CARD14: variants seen among roughly 807,000 people sequenced by gnomAD.
The protein encoded by CARD14 is caspase recruitment domain family member 14, also known as caspase recruitment domain-containing protein 14.
Under a neutral mutation model 111.5 loss-of-function variants are expected in CARD14, and 107 were observed. The ratio of observed to expected loss-of-function variants is 0.96; its 90% CI spans 0.82 to 1.13. The LOEUF is 1.13. CARD14 is among the 50% of genes most tolerant of loss of function. The pLI, the probability that CARD14 is intolerant of heterozygous loss-of-function variation, is 0.00. For synonymous variants in CARD14, 617 were observed against 579.6 expected, an observed-to-expected ratio of 1.06 and a Z score of -0.93; for missense variants, 1,322 against 1,362.3, an observed-to-expected ratio of 0.97 and a Z score of 0.47.
In CARD14 at chr17:80,175,952, GTTTTTTTTTTTTTTTTTTTTTTTTT is replaced by G. The variant is rs531556673; in HGVS notation, c.-366-2540_-366-2516del. 7.5e-4 allele frequency among the ~76,000 whole-genome samples: 40 copies of G among 53,550 alleles called. 2 individuals carry two copies. The South Asian group carries it at 0.021, about 28-fold the overall frequency. The allele number at this position is 53,550 out of a possible 152,430, so 35.1% of individuals were successfully genotyped here. On this transcript the variant is annotated intron_variant, in intron 2 of 23. Transcript: ENST00000648509. ...TGGGATTGCCAGCTGCTCTCGGATCGTTTTTTTTTTTTTTTTTTTTTTTTTTTTTTTTTTTTTTTTAAAAACGGGA... is the reference window on the plus strand; with the variant it reads ...TGGGATTGCCAGCTGCTCTCGGATCGTTTTTTTTTTTTTTTAAAAACGGGA...
rs551504092 is a variant in CARD14 at position 80,183,045 on chromosome 17, G to T, written c.349+255G>T. Reference sequence around the variant, plus strand: ...CCCAGTGCCAAAAGGAGACCCCTGAGCGGTAGGGTGGGGAGAATCTGCTTG... The same window carrying T: ...CCCAGTGCCAAAAGGAGACCCCTGATCGGTAGGGTGGGGAGAATCTGCTTG... On this transcript the variant is annotated intron_variant, in intron 6 of 23. Transcript: ENST00000648509. Among the ~76,000 whole-genome samples the T allele has an allele frequency of 2.7e-4, 41 of 152,330 alleles. No individual in the cohort carries two copies. The South Asian group carries it at 4.3e-3, about 16-fold the overall frequency.
intron 20 of CARD14, 118 bp downstream of exon 20, chr17:80,204,459 G>C (rs924528182): frequency 1.0e-6 from 1 of 984,886 alleles, no homozygotes; most frequent in Non-Finnish European, 1.5e-6. Context: ...GCCAGGATCT[G>C]GTCTTCAAGA....
Position 80,189,008 on chromosome 17 carries a change from G to A in CARD14, c.843+464G>A, listed in dbSNP as rs943314070. Among the ~76,000 whole-genome samples the A allele has an allele frequency of 1.3e-5, 2 of 152,194 alleles. No homozygotes were observed. The highest frequency in any genetic ancestry group is 4.8e-5 in the African/African-American group (2 of 41,450). ...TCAGGCTGCAGGGAGCTGAGATCAC[G>A]CCACTGCACTCCAGCCTGGCGACAG... On this transcript the variant is annotated intron_variant, in intron 8 of 23. Transcript: ENST00000648509. This position sits in a 1 kb window ranked among gnomAD's most constrained non-coding sequence, Gnocchi z 4.7.
chr17:80,184,352 C>T, intron 7 of CARD14, 114 bp downstream of exon 7: 1 of 948,382 alleles, frequency 1.1e-6, no homozygotes. Flanking sequence ...TCTAACACTT[C>T]CCTGCCCCGA....
At chr17:80,204,467 A>G in intron 20 of CARD14, 126 bp downstream of exon 20, 1 of 908,584 alleles carries the variant, frequency 1.1e-6, no homozygotes, top group East Asian at 2.8e-5. Context: ...CTGGTCTTCA[A>G]GAATCATGGG....
In CARD14 at chr17:80,208,317, T is replaced by C; in HGVS notation, c.2987T>C (p.Val996Ala). The change falls in exon 24 of 24, where the codon GTG becomes GCG. Residue 996 changes from valine to alanine, a missense_variant. Physicochemically the swap from Val to Ala is moderately conservative, Grantham distance 64. Coordinates refer to ENST00000648509, the MANE Select transcript of CARD14 (RefSeq NM_001366385.1). ...GCCATCGCCGACGAGCAGAAGAAGG[T>C]GGTGTGGACGGAGCAGAGCCCCCGA... The part of the protein sequence containing the change: ...RQAIADEQKK[V>A]VWTEQSPR 2 of 1,604,826 alleles carry C rather than the reference T, an allele frequency of 1.2e-6. No homozygotes were observed. Among genetic ancestry groups the C allele is most frequent in the Non-Finnish European group, 1.7e-6 (2 of 1,176,644 alleles).
At chr17:80,172,322 G>A (rs1208437248) in intron 1 of CARD14, among the ~76,000 whole-genome samples, 1 of 152,166 alleles carries the variant, frequency 6.6e-6, no homozygotes, top group Admixed American at 6.5e-5. Flanking sequence ...GAGATTTGGG[G>A]GCAAATACTG....
intron 1 of CARD14, among the ~76,000 whole-genome samples, chr17:80,172,168 G>C (rs944756075): frequency 6.6e-6 from 1 of 152,210 alleles, no homozygotes; most frequent in Non-Finnish European, 1.5e-5. Flanking sequence ...TTCAGTCATT[G>C]GCTCTTTGGC....
Position 80,204,270 on chromosome 17 carries a change from T to C in CARD14, c.2327T>C (p.Met776Thr). ...GPQKLVRIVS[M>T]DKAKASPLRL... is the part of the protein sequence containing the mutation. ...CAGAAGCTGGTCCGCATCGTCAGTATGGACAAAGCCAAGGCCAGCCCTCTG... is the reference window on the plus strand; with the variant it reads ...CAGAAGCTGGTCCGCATCGTCAGTACGGACAAAGCCAAGGCCAGCCCTCTG... Residue 776 changes from methionine (M) to threonine (T), a missense_variant, in exon 20 of 24, where the codon ATG becomes ACG. Transcript: ENST00000648509. The C allele has an allele frequency of 6.2e-7, 1 of 1,600,638 alleles. No homozygotes were observed. Among genetic ancestry groups the C allele is most frequent in the South Asian group, 1.1e-5 (1 of 90,128 alleles).
At chr17:80,196,134 C>A in intron 14 of CARD14, 1 of 154,726 alleles carries the variant, frequency 6.5e-6, no homozygotes, top group Non-Finnish European at 1.4e-5. Context: ...CCGGCCCTCT[C>A]TGCTTCCCAA....
At chr17:80,183,222 G>A (rs2040230001) in intron 6 of CARD14, among the ~76,000 whole-genome samples, 2 of 152,224 alleles carry the variant, frequency 1.3e-5, no homozygotes, top group South Asian at 4.1e-4. Flanking sequence ...CAGGGCCGCG[G>A]AGCCTTCTGT....
chr17:80,190,528 G>A (rs568939909), intron 9 of CARD14, among the ~76,000 whole-genome samples: 5 of 151,354 alleles, frequency 3.3e-5, no homozygotes, highest in South Asian at 2.1e-4. Flanking sequence ...CACGAGAATC[G>A]CTTGAACCCG....
chr17:80,184,050 G>T lies in CARD14; in HGVS notation c.487G>T (p.Ala163Ser). The T allele has an allele frequency of 1.3e-6, 2 of 1,587,642 alleles. No individual in the cohort carries two copies. Among genetic ancestry groups the T allele is most frequent in the African/African-American group, 1.3e-5 (1 of 74,716 alleles). The change falls in exon 7 of 24, where the codon GCC becomes TCC. Residue 163 changes from alanine to serine, a missense_variant. Physicochemically the swap from Ala to Ser is moderately conservative, Grantham distance 99 (BLOSUM62 1). Transcript: ENST00000648509. ...GCAGCTGCAGGAGCACCTGGGCCTG[G>T]CCGAGACCCGTGCCGAGGGCCTGCA... ...CQQLQEHLGL[A>S]ETRAEGLHQL...
intron 7 of CARD14, among the ~76,000 whole-genome samples, chr17:80,185,240 G>T (rs2040307880): frequency 6.6e-6 from 1 of 151,720 alleles, no homozygotes; most frequent in African/African-American, 2.4e-5. Flanking sequence ...TTTGAAATGG[G>T]GGGTTCTCAT....
In CARD14 at chr17:80,184,230, C is replaced by CAGG; in HGVS notation, c.674_675+1dup. 6 of 1,528,308 alleles carry CAGG rather than the reference C, an allele frequency of 3.9e-6. No individual in the cohort carries two copies. Among genetic ancestry groups the CAGG allele is most frequent in the Non-Finnish European group, 5.3e-6 (6 of 1,133,534 alleles). The allele number at this position is 1,528,308 out of a possible 1,614,324, so 94.7% of individuals were successfully genotyped here. A position where few individuals can be genotyped will look rare whatever the true frequency, so the allele number is the denominator to read the frequency against. ...GGCCGCCTCACGCTGCCGCAGCCTG[C>CAGG]AGGAGGAGGTAGGGGGACACCCTGC... On this transcript the variant is annotated inframe_insertion, in exon 7 of 24. Coordinates refer to ENST00000648509, the MANE Select transcript of CARD14 (RefSeq NM_001366385.1).
chr17:80,195,812 G>C lies in CARD14; in HGVS notation c.1594+160G>C. 3.2e-6 allele frequency: 2 copies of C among 630,044 alleles called. No individual in the cohort carries two copies. The highest frequency in any genetic ancestry group is 4.0e-5 in the South Asian group (2 of 49,614). 39.0% of individuals were successfully genotyped at this position (630,044 alleles called of 1,614,324 possible). On this transcript the variant is annotated intron_variant, in intron 14 of 23. Coordinates refer to ENST00000648509, the MANE Select transcript of CARD14 (RefSeq NM_001366385.1). This position sits in a 1 kb window ranked among gnomAD's most constrained non-coding sequence, Gnocchi z 4.7. ...GACCTTGGCCTCGACCTTGCACTTT[G>C]GGAAAGTCCCGCCTGCCAGCCAGCG...
chr17:80,172,094 C>T (rs991980758), intron 1 of CARD14, among the ~76,000 whole-genome samples: 2 of 152,258 alleles, frequency 1.3e-5, no homozygotes, highest in Non-Finnish European at 2.9e-5. Context: ...TAGTAAGATA[C>T]TGGAGAGCGT....
rs147432650 is a variant in CARD14 at position 80,191,421 on chromosome 17, C to G, written c.1188C>G (p.Val396=). 55 of 1,613,634 alleles carry G rather than the reference C, an allele frequency of 3.4e-5. No homozygotes were observed. Among genetic ancestry groups the G allele is most frequent in the Non-Finnish European group, 4.4e-5 (52 of 1,180,010 alleles). Reference sequence around the variant, plus strand: ...AGGTGTTCGAGCTGACGGACCAGGTCTGCGAGCTGCGCACACAGCTTCGCC... The same window carrying G: ...AGGTGTTCGAGCTGACGGACCAGGTGTGCGAGCTGCGCACACAGCTTCGCC... ...RRQVFELTDQ[V]CELRTQLRQL... Residue 396 remains valine, a synonymous_variant, in exon 11 of 24, where the codon GTC becomes GTG. Coordinates refer to ENST00000648509, the MANE Select transcript of CARD14 (RefSeq NM_001366385.1).
Position 80,181,471 on chromosome 17 carries a change from C to CA in CARD14, c.34dup (p.Thr12AsnfsTer87). 1 of 1,585,746 alleles carries CA rather than the reference C, an allele frequency of 6.3e-7. No homozygotes were observed. Among genetic ancestry groups the CA allele is most frequent in the Non-Finnish European group, 8.6e-7 (1 of 1,165,666 alleles). ...AACTGTGCCGCAGGGACTCCGCACT[C>CA]ACGGCACTGGACGAGGAGACACTGT... On this transcript the variant is annotated frameshift_variant, in exon 5 of 24. Transcript: ENST00000648509. LOFTEE classifies it high-confidence loss of function.
Sources: gnomAD v4.1 joint callset for allele counts (sites outside exome capture counted in the v4.1 genomes callset) on GRCh38, gnomAD v4.1.1 for gene constraint, Gnocchi (gnomAD v3.1) non-coding constraint, MANE v1.5 for transcripts, NCBI Gene and HGNC (gene_info 2026-07-23, HGNC 2026-07-21) for gene names.